Variants in DISP1 observed in about 807,000 individuals in gnomAD.
DISP1 encodes the protein protein dispatched homolog 1.
Under a neutral mutation model 37.3 loss-of-function variants are expected in DISP1, and 30 were observed. The observed-to-expected ratio is 0.80, with a 90% CI of 0.60 to 1.09. The LOEUF (loss-of-function observed/expected upper bound fraction) is 1.09. Ranked by LOEUF, DISP1 falls within the 50% of genes least tolerant of loss-of-function variation. The pLI is 0.00. For synonymous variants in DISP1, 634 were observed against 690.2 expected (o/e 0.92, Z 1.28); for missense variants, 1,598 against 1,879.5 (o/e 0.85, Z 2.77).
At chr1:222,904,417 G>C (rs1002215455) in intron 1 of DISP1, among the ~76,000 whole-genome samples, 8 of 151,982 alleles carry the variant, frequency 5.3e-5, no homozygotes, top group Non-Finnish European at 1.2e-4. Flanking sequence ...GATGTTTTCA[G>C]TATCATTTAG....
intron 2 of DISP1, among the ~76,000 whole-genome samples, chr1:222,936,541 CTA>C (rs71178506): frequency 0.3 from 39,105 of 128,810 alleles, 6,468 homozygotes; most frequent in South Asian, 0.51. Flanking sequence ...CTCTCTCTCT[CTA>C]TATATATATA....
At chr1:222,872,185 T>C (rs564366673) in intron 1 of DISP1, 54 of 152,392 alleles carry the variant, frequency 3.5e-4, no homozygotes, top group African/African-American at 1.3e-3. Context: ...GAATTCGGTT[T>C]GCCAGTATTT....
At chr1:222,947,011 G>T (rs1345119411) in intron 3 of DISP1, among the ~76,000 whole-genome samples, 3 of 152,088 alleles carry the variant, frequency 2.0e-5, no homozygotes, top group Non-Finnish European at 4.4e-5. Context: ...TTTTTTTATT[G>T]TGGTGAAATA....
chr1:222,915,553 T>G (rs941284762), intron 1 of DISP1, among the ~76,000 whole-genome samples: 1 of 152,236 alleles, frequency 6.6e-6, no homozygotes, highest in African/African-American at 2.4e-5. Flanking sequence ...GACCTAGATA[T>G]CAGGAAAGCA....
chr1:222,850,533 A>G (rs545750956), intron 1 of DISP1, among the ~76,000 whole-genome samples: 7 of 151,792 alleles, frequency 4.6e-5, no homozygotes, highest in East Asian at 1.9e-4. Flanking sequence ...ATATTATTTC[A>G]TCACCCAGTT....
chr1:222,913,747 AAAAAG>A (rs201036150), intron 1 of DISP1, among the ~76,000 whole-genome samples: 349 of 124,422 alleles, frequency 2.8e-3, no homozygotes, highest in African/African-American at 9.4e-3. Context: ...TCTCTACAAA[AAAAAG>A]AAAAAAAAAA....
At chr1:222,842,564 A>G (rs1667672230) in intron 1 of DISP1, among the ~76,000 whole-genome samples, 2 of 152,060 alleles carry the variant, frequency 1.3e-5, no homozygotes, top group Non-Finnish European at 2.9e-5. Flanking sequence ...GTATATTAGT[A>G]TTTTCCAAAG....
At chr1:222,918,091 C>T (rs774435885) in intron 1 of DISP1, among the ~76,000 whole-genome samples, 5 of 152,092 alleles carry the variant, frequency 3.3e-5, no homozygotes, top group South Asian at 4.1e-4. Flanking sequence ...GTCATCAAAA[C>T]GGCACCTCCC....
chr1:222,817,524 T>C (rs1482291011), intron 1 of DISP1, among the ~76,000 whole-genome samples: 2 of 152,202 alleles, frequency 1.3e-5, no homozygotes, highest in Non-Finnish European at 2.9e-5. Flanking sequence ...TGCCACTTGA[T>C]AGAATCAAGA....
intron 3 of DISP1, among the ~76,000 whole-genome samples, chr1:222,953,538 C>A (rs1572610661): frequency 6.6e-6 from 1 of 152,088 alleles, no homozygotes; most frequent in African/African-American, 2.4e-5. Context: ...CTTTAGCCCC[C>A]GAAACTGAGA....
In DISP1 at chr1:222,976,606, T is replaced by G. The variant is rs532194420; in HGVS notation, c.510-6474T>G. On this transcript the variant is annotated intron_variant, in intron 3 of 8. Coordinates refer to ENST00000675850, the MANE Select transcript of DISP1 (RefSeq NM_001377229.1). Reference sequence around the variant, plus strand: ...TCTCTACTTACTGTCTCAAATTTTTTTAACATAAAATGAAATCTTTACTCA... The same window carrying G: ...TCTCTACTTACTGTCTCAAATTTTTGTAACATAAAATGAAATCTTTACTCA... 2.0e-5 allele frequency among the ~76,000 whole-genome samples: 3 copies of G among 152,160 alleles called. No homozygotes were observed. The South Asian group carries it at 6.2e-4, about 32-fold the overall frequency.
At chr1:222,986,933 A>G (rs1678315273) in intron 4 of DISP1, among the ~76,000 whole-genome samples, 1 of 152,148 alleles carries the variant, frequency 6.6e-6, no homozygotes, top group African/African-American at 2.4e-5. Context: ...GATGAAAGAC[A>G]AATATGATTT....
intron 1 of DISP1, among the ~76,000 whole-genome samples, chr1:222,856,424 C>G (rs1262685099): frequency 6.6e-6 from 1 of 152,206 alleles, no homozygotes; most frequent in African/African-American, 2.4e-5. Flanking sequence ...GAGATTCCAG[C>G]AACTGGAGAT....
intron 1 of DISP1, chr1:222,837,477 A>C (rs1667308242): frequency 6.3e-6 from 1 of 159,832 alleles, no homozygotes; most frequent in African/African-American, 2.4e-5. Flanking sequence ...TGAAGACCAG[A>C]GATTATAAAT....
intron 2 of DISP1, among the ~76,000 whole-genome samples, chr1:222,937,854 G>T (rs1021242442): frequency 2.6e-4 from 38 of 146,106 alleles, no homozygotes; most frequent in African/African-American, 9.7e-4. Flanking sequence ...GGGAGAACAG[G>T]TGATTTCAAC....
At chr1:222,837,555 A>T (rs144365920) in intron 1 of DISP1, among the ~76,000 whole-genome samples, 1 of 152,118 alleles carries the variant, frequency 6.6e-6, no homozygotes, top group Non-Finnish European at 1.5e-5. Context: ...CTTTCCATCT[A>T]TTGTGGGTGG....
chr1:222,860,946 C>T (rs1330297219), intron 1 of DISP1, among the ~76,000 whole-genome samples: 1 of 152,090 alleles, frequency 6.6e-6, no homozygotes, highest in African/African-American at 2.4e-5. Flanking sequence ...CACTTTCTAT[C>T]CCCATTATAT....
intron 1 of DISP1, among the ~76,000 whole-genome samples, chr1:222,925,500 G>A (rs1415238676): frequency 6.6e-6 from 1 of 151,850 alleles, no homozygotes; most frequent in Non-Finnish European, 1.5e-5. Context: ...ACAGCATTTG[G>A]CATACATATG....
chr1:222,930,545 C>T (rs769821717), intron 2 of DISP1, among the ~76,000 whole-genome samples: 12 of 152,012 alleles, frequency 7.9e-5, no homozygotes, highest in Non-Finnish European at 1.8e-4. Flanking sequence ...ATTACAGGCT[C>T]ATATTTAGAT....
Sources: allele counts gnomAD v4.1 joint callset (sites outside exome capture counted in the v4.1 genomes callset), GRCh38; gene constraint gnomAD v4.1.1; transcripts MANE v1.5; gene names NCBI Gene and HGNC (gene_info 2026-07-23, HGNC 2026-07-21).